Variants in UBR1 observed in about 807,000 individuals in gnomAD.
UBR1 encodes the protein ubiquitin protein ligase E3 component n-recognin 1.
Under a neutral mutation model 242.1 loss-of-function variants are expected in UBR1, and 102 were observed. The observed-to-expected ratio is 0.42, with a 90% CI of 0.36 to 0.50. The LOEUF (loss-of-function observed/expected upper bound fraction) is 0.50, where lower values mean the gene tolerates loss of function less well. UBR1 is among the 20% of genes least tolerant of loss of function. The pLI is 0.01. For synonymous variants in UBR1, 675 were observed against 684.8 expected (o/e 0.99, Z 0.22); for missense variants, 1,772 against 2,101.8 (o/e 0.84, Z 3.07).
intron 1 of UBR1, among the ~76,000 whole-genome samples, chr15:43,102,066 G>A (rs753498773): frequency 6.6e-6 from 1 of 151,520 alleles, no homozygotes; most frequent in Non-Finnish European, 1.5e-5. Context: ...CTTGAACTTG[G>A]GACAAAGAGG....
At chr15:43,002,056 G>A (rs1567120952) in intron 32 of UBR1, among the ~76,000 whole-genome samples, 1 of 152,064 alleles carries the variant, frequency 6.6e-6, no homozygotes, top group Non-Finnish European at 1.5e-5. Context: ...AAAGATTTGA[G>A]TAAATAAACA....
In UBR1 at chr15:43,037,949, A is replaced by G. The variant is rs549440862; in HGVS notation, c.1912-66T>C. 1.3e-4 allele frequency: 187 copies of G among 1,446,730 alleles called. 1 individual carries two copies. In the South Asian group the frequency reaches 2.1e-3, roughly 16 times the overall value. 89.6% of individuals were successfully genotyped at this position (1,446,730 alleles called of 1,614,324 possible). A position where few individuals can be genotyped will look rare whatever the true frequency, so the allele number is the denominator to read the frequency against. ...CTTAGATGTGTCTCCAAGTTATGCC[A>G]CTACATATTCTTCAGTTTTCTCACG... On this transcript the variant is annotated intron_variant, in intron 16 of 46. Transcript: ENST00000290650.
chr15:43,039,890 G>C (rs573008360), intron 15 of UBR1, among the ~76,000 whole-genome samples: 1 of 152,194 alleles, frequency 6.6e-6, no homozygotes, highest in South Asian at 2.1e-4. Flanking sequence ...TAGCATGAAG[G>C]GCTGTTGAAT....
At chr15:42,997,115 T>C (rs140317541) in intron 33 of UBR1, among the ~76,000 whole-genome samples, 1 of 152,288 alleles carries the variant, frequency 6.6e-6, no homozygotes, top group African/African-American at 2.4e-5. Context: ...ACTTGCATTG[T>C]CGCGTGAGCT....
In UBR1 at chr15:42,950,314, C is replaced by G. The variant is rs2031811892; in HGVS notation, c.5056G>C (p.Ala1686Pro). 6.2e-7 allele frequency: 1 copy of G among 1,614,064 alleles called. No individual in the cohort carries two copies. Residue 1686 changes from alanine (A) to proline (P), a missense_variant, in exon 46 of 47, where the codon GCC (alanine) becomes CCC (proline). By Grantham distance (27) the Ala-to-Pro change is conservative (BLOSUM62 -1). Transcript: ENST00000290650. ...TCATCCAAGTAAGGAGCTGGATAGG[C>G]ACAGCCTCTGGCTTTACCTTCAACC... ...VLVEGKARGC[A>P]YPAPYLDEYG... is the part of the protein sequence containing the mutation.
At chr15:42,991,204 G>T (rs2032552769) in intron 33 of UBR1, among the ~76,000 whole-genome samples, 1 of 151,648 alleles carries the variant, frequency 6.6e-6, no homozygotes, top group African/African-American at 2.4e-5. Context: ...TGAACCCAGG[G>T]GGTGGAGTCT....
intron 33 of UBR1, among the ~76,000 whole-genome samples, chr15:42,995,717 A>C (rs1392226925): frequency 1.3e-5 from 2 of 152,200 alleles, no homozygotes; most frequent in Admixed American, 6.5e-5. Flanking sequence ...AGTTAAGTAC[A>C]TGCCAAAAAT....
intron 33 of UBR1, among the ~76,000 whole-genome samples, chr15:42,993,706 G>A (rs939595863): frequency 3.3e-5 from 5 of 152,148 alleles, no homozygotes; most frequent in African/African-American, 9.6e-5. Flanking sequence ...CAAGCCAGGT[G>A]TTGGTGGCGG....
chr15:43,099,415 C>T (rs2034200240), intron 1 of UBR1, among the ~76,000 whole-genome samples: 2 of 151,952 alleles, frequency 1.3e-5, no homozygotes, highest in African/African-American at 4.8e-5. Context: ...GTAACCATAA[C>T]AATATTAAAC....
At chr15:42,989,095 A>C in intron 34 of UBR1, 128 bp from the exon 35 acceptor site, 1 of 738,856 alleles carries the variant, frequency 1.4e-6, no homozygotes, top group Non-Finnish European at 2.2e-6. Context: ...TCTTTGCCAA[A>C]TTAGAGATTA....
At chr15:43,053,022 G>A (rs2033575249) in intron 12 of UBR1, among the ~76,000 whole-genome samples, 1 of 152,174 alleles carries the variant, frequency 6.6e-6, no homozygotes, top group East Asian at 1.9e-4. Context: ...GGTAAGATAA[G>A]CAAAGCTCCT....
At chr15:42,965,947 A>G (rs1278949626) in intron 41 of UBR1, among the ~76,000 whole-genome samples, 1 of 152,232 alleles carries the variant, frequency 6.6e-6, no homozygotes, top group Non-Finnish European at 1.5e-5. Flanking sequence ...AGGAGCGAAG[A>G]GTAGGTCTTG....
chr15:42,967,301 A>C (rs1366147312), intron 40 of UBR1, among the ~76,000 whole-genome samples: 1 of 148,486 alleles, frequency 6.7e-6, no homozygotes, highest in Non-Finnish European at 1.5e-5. Flanking sequence ...GGGCTCAAGC[A>C]ATCCTCCTAC....
At chr15:42,952,572 T>A in intron 44 of UBR1, 124 bp from the exon 45 acceptor site, 1 of 1,090,060 alleles carries the variant, frequency 9.2e-7, no homozygotes, top group South Asian at 1.3e-5. Flanking sequence ...AGGAAGCTCT[T>A]AAAACACAAG....
chr15:42,980,768 C>A (rs1391288900), intron 37 of UBR1, among the ~76,000 whole-genome samples: 1 of 151,986 alleles, frequency 6.6e-6, no homozygotes, highest in African/African-American at 2.4e-5. Flanking sequence ...ACCACCACAC[C>A]CGGCTAAGTT....
intron 4 of UBR1, 132 bp from the exon 5 acceptor site, chr15:43,071,057 A>T: frequency 7.9e-7 from 1 of 1,259,054 alleles, no homozygotes; most frequent in Non-Finnish European, 1.1e-6. Context: ...ATTCAAGTTG[A>T]GCTCAAGAGG....
chr15:43,027,934 A>T (rs1364449411), intron 21 of UBR1, 106 bp from the exon 22 acceptor site: 2 of 970,730 alleles, frequency 2.1e-6, no homozygotes, highest in Non-Finnish European at 3.1e-6. Flanking sequence ...TTTGTAAATA[A>T]TTTTAAAAAG....
At chr15:43,024,008 C>G (rs548181163) in intron 25 of UBR1, among the ~76,000 whole-genome samples, 4 of 152,264 alleles carry the variant, frequency 2.6e-5, no homozygotes, top group East Asian at 1.9e-4. Flanking sequence ...ATGGACTACG[C>G]AGCTATCAAG....
At chr15:43,008,296 G>C (rs1302652502) in intron 29 of UBR1, among the ~76,000 whole-genome samples, 1 of 152,268 alleles carries the variant, frequency 6.6e-6, no homozygotes, top group African/African-American at 2.4e-5. Context: ...GCTCAGAAGT[G>C]CGTGTTCTGA....
Sources: gnomAD v4.1 joint callset for allele counts (sites outside exome capture counted in the v4.1 genomes callset) on GRCh38, gnomAD v4.1.1 for gene constraint, MANE v1.5 for transcripts, NCBI Gene and HGNC (gene_info 2026-07-23, HGNC 2026-07-21) for gene names.